Variants in TBC1D14 observed in about 807,000 individuals in gnomAD.
TBC1D14 encodes the protein TBC1 domain family, member 14.
A neutral mutation model predicts 79.0 loss-of-function variants in TBC1D14; 26 were observed. The observed-to-expected ratio is 0.33, with a 90% CI of 0.24 to 0.46. TBC1D14 has a LOEUF of 0.46. Among genes scored for constraint, TBC1D14 ranks in the 20% least tolerant of loss-of-function variants. The pLI, the probability that TBC1D14 is intolerant of heterozygous loss-of-function variation, is 1.00. For missense variants in TBC1D14, 769 were observed against 887.6 expected, an observed-to-expected ratio of 0.87 and a Z score of 1.70; for synonymous variants, 394 against 349.9, an observed-to-expected ratio of 1.13 and a Z score of -1.40.
chr4:6,986,953 C>A (rs1356034772), intron 3 of TBC1D14, among the ~76,000 whole-genome samples: 1 of 152,252 alleles, frequency 6.6e-6, no homozygotes. Context: ...TATTTTTGTG[C>A]AATTTCTTTT....
intron 2 of TBC1D14, among the ~76,000 whole-genome samples, chr4:6,929,004 C>A (rs773624541): frequency 1.3e-5 from 2 of 152,174 alleles, no homozygotes; most frequent in Non-Finnish European, 2.9e-5. Flanking sequence ...GTAACTATGC[C>A]TTTTCTGTGC....
intron 2 of TBC1D14, among the ~76,000 whole-genome samples, chr4:6,941,584 A>G (rs765201853): frequency 5.3e-5 from 8 of 152,236 alleles, no homozygotes; most frequent in African/African-American, 1.4e-4. Flanking sequence ...AGTGTCAGTA[A>G]CATTCAGGAA....
intron 2 of TBC1D14, among the ~76,000 whole-genome samples, chr4:6,926,101 A>G (rs1724274716): frequency 6.6e-6 from 1 of 152,182 alleles, no homozygotes; most frequent in Admixed American, 6.5e-5. Flanking sequence ...TGCGCGGAGG[A>G]GCGTGGCCCG....
At chr4:6,924,748 G>A (rs1211730208) in intron 2 of TBC1D14, among the ~76,000 whole-genome samples, 3 of 152,176 alleles carry the variant, frequency 2.0e-5, no homozygotes, top group Non-Finnish European at 4.4e-5. Context: ...TGGGGGGGCC[G>A]CGCCTTCAGC....
At chr4:7,000,512 C>G (rs910533304) in intron 6 of TBC1D14, among the ~76,000 whole-genome samples, 1 of 152,228 alleles carries the variant, frequency 6.6e-6, no homozygotes, top group African/African-American at 2.4e-5. Flanking sequence ...CCTGTGCTCC[C>G]CACGATGCTG....
intron 2 of TBC1D14, among the ~76,000 whole-genome samples, chr4:6,944,203 T>C (rs1713202903): frequency 6.6e-6 from 1 of 152,204 alleles, no homozygotes; most frequent in African/African-American, 2.4e-5. Context: ...GACTTTGAAT[T>C]TTAAACAGAT....
In TBC1D14 at chr4:7,014,349, G is replaced by A. The variant is rs1721078624; in HGVS notation, c.1648-99G>A. 4 of 710,174 alleles carry A rather than the reference G, an allele frequency of 5.6e-6. No homozygotes were observed. The South Asian group carries it at 6.6e-5, about 12-fold the overall frequency. 44.0% of individuals were successfully genotyped at this position (710,174 alleles called of 1,614,324 possible). On this transcript the variant is annotated intron_variant, in intron 11 of 13. Transcript: ENST00000409757. ...AAGTGTATTAGTAATTACAGAAGAA[G>A]GTAATTGTTAGAGTCTAAAGATATA...
chr4:6,943,147 C>T (rs2108980656), intron 2 of TBC1D14, among the ~76,000 whole-genome samples: 1 of 150,944 alleles, frequency 6.6e-6, no homozygotes, highest in East Asian at 2.0e-4. Flanking sequence ...TGTGTAGGGA[C>T]CAGTGTGGGA....
At chr4:6,931,763 A>T (rs1282007378) in intron 2 of TBC1D14, among the ~76,000 whole-genome samples, 4 of 150,826 alleles carry the variant, frequency 2.7e-5, no homozygotes, top group Non-Finnish European at 4.4e-5. Context: ...TATGTTTCTC[A>T]TCATACATTC....
intron 5 of TBC1D14, among the ~76,000 whole-genome samples, chr4:6,997,728 A>G (rs1180295846): frequency 1.3e-5 from 2 of 152,250 alleles, no homozygotes; most frequent in Non-Finnish European, 2.9e-5. Flanking sequence ...GGCCACATGA[A>G]GGAATCTTGA....
At chr4:6,971,067 A>G (rs1016021230) in intron 3 of TBC1D14, among the ~76,000 whole-genome samples, 3 of 148,684 alleles carry the variant, frequency 2.0e-5, no homozygotes, top group Non-Finnish European at 3.0e-5. Context: ...ACTGGCCAGG[A>G]GCTTTGGACC....
chr4:6,944,050 T>G (rs1212246399), intron 2 of TBC1D14, among the ~76,000 whole-genome samples: 3 of 151,970 alleles, frequency 2.0e-5, no homozygotes, highest in African/African-American at 7.3e-5. Flanking sequence ...TTTTTTTGTG[T>G]GTGTGATAGA....
intron 13 of TBC1D14, among the ~76,000 whole-genome samples, chr4:7,027,510 C>A (rs1722522551): frequency 6.8e-6 from 1 of 146,526 alleles, no homozygotes; most frequent in Non-Finnish European, 1.5e-5. Context: ...CTACACCTCA[C>A]ACCCAGTCAC....
chr4:6,978,796 G>T (rs886283876), intron 3 of TBC1D14, among the ~76,000 whole-genome samples: 2 of 149,008 alleles, frequency 1.3e-5, no homozygotes, highest in African/African-American at 2.5e-5. Context: ...ATCATGAAAA[G>T]AATCTAGAAA....
chr4:7,001,104 G>C (rs756868257), intron 6 of TBC1D14, 41 bp from the exon 7 acceptor site: 1 of 1,576,360 alleles, frequency 6.3e-7, no homozygotes, highest in Non-Finnish European at 8.7e-7. Context: ...AAATGTCTTT[G>C]TGTGGAACAA....
At chr4:6,914,830 G>T (rs1462594371) in intron 1 of TBC1D14, among the ~76,000 whole-genome samples, 1 of 152,248 alleles carries the variant, frequency 6.6e-6, no homozygotes, top group Non-Finnish European at 1.5e-5. Flanking sequence ...CTTGAGGTCA[G>T]GAGTTTGAGA....
At chr4:7,001,099 T>C in intron 6 of TBC1D14, 46 bp from the exon 7 acceptor site, 9 of 1,554,462 alleles carry the variant, frequency 5.8e-6, no homozygotes, top group Non-Finnish European at 7.1e-6. Context: ...TAGACAAATG[T>C]CTTTGTGTGG....
chr4:7,006,517 G>T, intron 8 of TBC1D14, 115 bp from the exon 9 acceptor site: 1 of 746,300 alleles, frequency 1.3e-6, no homozygotes, highest in Non-Finnish European at 2.2e-6. Context: ...GATTAGGTCA[G>T]TGTGCTTCTG....
chr4:6,923,181 G>A (rs1192618345), intron 1 of TBC1D14, among the ~76,000 whole-genome samples, 192 bp from the exon 2 acceptor site: 2 of 152,190 alleles, frequency 1.3e-5, no homozygotes, highest in Non-Finnish European at 2.9e-5. Flanking sequence ...CAGCCTGGGC[G>A]ACAGAGCGAG....
Sources: allele counts gnomAD v4.1 joint callset (sites outside exome capture counted in the v4.1 genomes callset), GRCh38; gene constraint gnomAD v4.1.1; transcripts MANE v1.5; gene names NCBI Gene and HGNC (gene_info 2026-07-23, HGNC 2026-07-21).